Variants in SRSF1 observed in about 807,000 individuals in gnomAD.
SRSF1 encodes serine/arginine-rich splicing factor 1.
Under a neutral mutation model 25.9 loss-of-function variants are expected in SRSF1, and 1 was observed. That is an observed-to-expected ratio of 0.04 (90% CI 0.01 to 0.18). The LOEUF (loss-of-function observed/expected upper bound fraction) is 0.18. SRSF1 is among the 10% of genes least tolerant of loss of function. SRSF1 has a pLI of 1.00. For synonymous variants in SRSF1, 132 were observed against 126.2 expected (o/e 1.05, Z -0.31); for missense variants, 65 against 350.5 (o/e 0.19, Z 6.50).
At position 58,004,436 on chromosome 17, in the gene SRSF1, G is replaced by C. The variant is rs2075413295; in HGVS notation, c.*970C>G. The C allele has an allele frequency of 6.6e-6, 1 of 152,400 alleles. No homozygotes were observed. The highest frequency in any genetic ancestry group is 2.4e-5 in the African/African-American group (1 of 41,364). 9.4% of individuals were successfully genotyped at this position (152,400 alleles called of 1,614,324 possible). On this transcript the variant is annotated 3_prime_UTR_variant, in exon 4 of 4. Transcript: ENST00000258962. ...TTAAAGGGGAAGGTGAGACTTAAAA[G>C]TATTCCCAACTAGATTATCTACACC...
chr17:57,997,180 C>T (rs540851846), downstream of SRSF1, among the ~76,000 whole-genome samples: 129 of 152,320 alleles, frequency 8.5e-4, no homozygotes, highest in African/African-American at 2.9e-3. Context: ...TTACTTTGGT[C>T]TTACAATTGG....
the SRSF1 span, chr17:57,993,162 AG>A: frequency 2.6e-5 from 4 of 152,520 alleles, no homozygotes; most frequent in East Asian, 3.9e-4. Context: ...AGGCCAAGGC[AG>A]GTGGATCACC....
downstream of SRSF1, among the ~76,000 whole-genome samples, chr17:57,996,097 G>A (rs934401526): frequency 6.6e-6 from 1 of 152,208 alleles, no homozygotes; most frequent in Non-Finnish European, 1.5e-5. Flanking sequence ...ACCTGCCTAA[G>A]ATTTCAATAA....
rs190009390 is a variant in SRSF1, at chr17:58,004,640, T to C, written c.*766A>G. 6.1e-5 allele frequency: 14 copies of C among 229,760 alleles called. No homozygotes were observed. Among genetic ancestry groups the C allele is most frequent in the South Asian group, 1.8e-4 (1 of 5,506 alleles). The allele number at this position is 229,760 out of a possible 1,614,324, so 14.2% of individuals were successfully genotyped here. A position where few individuals can be genotyped will look rare whatever the true frequency, so the allele number is the denominator to read the frequency against. Reference sequence around the variant, plus strand: ...CCAACAGCAGGTCACACATTAACAGTTGTAACTAAGCACTGTGACAAATTA... The same window carrying C: ...CCAACAGCAGGTCACACATTAACAGCTGTAACTAAGCACTGTGACAAATTA... On this transcript the variant is annotated 3_prime_UTR_variant, in exon 4 of 4. Transcript: ENST00000258962.
At chr17:57,998,461 T>C (rs556766346), downstream of SRSF1, among the ~76,000 whole-genome samples, 1 of 152,322 alleles carries the variant, frequency 6.6e-6, no homozygotes, top group South Asian at 2.1e-4. Flanking sequence ...AATTCTACCA[T>C]GGTTTTTCTT....
At position 58,005,793 on chromosome 17, in the gene SRSF1, T is replaced by C. The variant is rs2075423070; in HGVS notation, c.552+8A>G. On this transcript the variant is annotated splice_region_variant and intron_variant, in intron 3 of 3. Coordinates refer to ENST00000258962, the MANE Select transcript of SRSF1 (RefSeq NM_006924.5). This position sits in a 1 kb window ranked among gnomAD's most constrained non-coding sequence, Gnocchi z 5.2. ...CTGGTCAAAGAAAAGAATACGTGTA[T>C]AACCTACCTCATGAGATCTAAACTT... The C allele has an allele frequency of 1.2e-6, 2 of 1,614,104 alleles. No individual in the cohort carries two copies. Among genetic ancestry groups the C allele is most frequent in the African/African-American group, 1.3e-5 (1 of 74,930 alleles).
In SRSF1 at chr17:58,006,856, C is replaced by T. The variant is rs2075433285; in HGVS notation, c.194+88G>A. ...GCCCCAACCTCTCTAAGAGCCCCCG[C>T]TTCCCCGTTCTCTATGTTAAGGCCT... On this transcript the variant is annotated intron_variant, in intron 1 of 3. Coordinates refer to ENST00000258962, the MANE Select transcript of SRSF1 (RefSeq NM_006924.5). 3 of 1,482,012 alleles carry T rather than the reference C, an allele frequency of 2.0e-6. No individual in the cohort carries two copies. The East Asian group carries it at 6.8e-5, about 34-fold the overall frequency. 91.8% of individuals were successfully genotyped at this position (1,482,012 alleles called of 1,614,324 possible). A position where few individuals can be genotyped will look rare whatever the true frequency, so the allele number is the denominator to read the frequency against.
At chr17:58,006,621 A>C in intron 1 of SRSF1, 94 bp from the exon 2 acceptor site, 1 of 1,389,058 alleles carries the variant, frequency 7.2e-7, no homozygotes, top group Non-Finnish European at 9.7e-7. Context: ...ATGCGCACCC[A>C]ACGTGGAAGA....
downstream of SRSF1, among the ~76,000 whole-genome samples, chr17:57,999,024 T>C (rs977740212): frequency 6.6e-6 from 1 of 152,202 alleles, no homozygotes; most frequent in Non-Finnish European, 1.5e-5. Flanking sequence ...GAATGACAGA[T>C]ACTAAAAGTG....
downstream of SRSF1, among the ~76,000 whole-genome samples, chr17:57,996,189 A>AT (rs1371674412): frequency 6.6e-6 from 1 of 152,166 alleles, no homozygotes; most frequent in Non-Finnish European, 1.5e-5. Context: ...AGTTTAAAAC[A>AT]TAAGACTTTG....
chr17:58,006,100 G>A (rs1364876095), intron 2 of SRSF1, 127 bp from the exon 3 acceptor site: 6 of 1,009,860 alleles, frequency 5.9e-6, no homozygotes, highest in East Asian at 5.2e-5. Context: ...ACCAGGTAAA[G>A]AGAGCTGGTA....
chr17:58,005,399 A>G lies in SRSF1; in HGVS notation c.*7T>C, dbSNP rs1451557004. ...CATGGGTTCTACAAAAAGTGTCACCAATCATCTTATGTACGAGAGCGAGAT... is the reference window on the plus strand; with the variant it reads ...CATGGGTTCTACAAAAAGTGTCACCGATCATCTTATGTACGAGAGCGAGAT... On this transcript the variant is annotated 3_prime_UTR_variant, in exon 4 of 4. Transcript: ENST00000258962. The surrounding 1 kb of genome is among the most constrained non-coding windows in gnomAD (Gnocchi z 5.2). 6.2e-7 allele frequency: 1 copy of G among 1,612,572 alleles called. No homozygotes were observed. The highest frequency in any genetic ancestry group is 8.5e-7 in the Non-Finnish European group (1 of 1,178,672).
At chr17:57,993,490 C>T in the SRSF1 span, 1 of 152,124 alleles carries the variant, frequency 6.6e-6, no homozygotes, top group Non-Finnish European at 1.5e-5. Flanking sequence ...AAGCTCTACA[C>T]ATGGACAACA....
Position 58,004,049 on chromosome 17 carries a change from TGTAATCAAAAAA to T in SRSF1, c.*1345_*1356del, listed in dbSNP as rs2075410199. 6.6e-6 allele frequency: 1 copy of T among 152,634 alleles called. No individual in the cohort carries two copies. The highest frequency in any genetic ancestry group is 2.4e-5 in the African/African-American group (1 of 41,456). The allele number at this position is 152,634 out of a possible 1,614,324, so 9.5% of individuals were successfully genotyped here. A position where few individuals can be genotyped will look rare whatever the true frequency, so the allele number is the denominator to read the frequency against. On this transcript the variant is annotated 3_prime_UTR_variant, in exon 4 of 4. Coordinates refer to ENST00000258962, the MANE Select transcript of SRSF1 (RefSeq NM_006924.5). ...AAAGAGGAGGCAAAATGTTAGATAC[TGTAATCAAAAAA>T]GGTTTCTGGGGAATGATGAGTTATG...
At chr17:57,989,388 G>GA in the SRSF1 span, 1 of 398,130 alleles carries the variant, frequency 2.5e-6, no homozygotes, top group South Asian at 1.3e-4. Context: ...TCTGGTTTTA[G>GA]AAAAAATTCT....
In SRSF1 at chr17:58,007,132, C is replaced by T; in HGVS notation, c.6G>A (p.Ser2=). The T allele has an allele frequency of 2.5e-6, 4 of 1,614,058 alleles. No homozygotes were observed. The highest frequency in any genetic ancestry group is 1.3e-5 in the African/African-American group (1 of 75,068). The change falls in exon 1 of 4, where the codon TCG becomes TCA. Residue 2 remains serine, a synonymous_variant. Transcript: ENST00000258962. M[S]GGGVIRGPAG... ...CGGGGCCACGAATCACACCACCTCCCGACATGGCGGTGACGAAAAGCGCGG... is the reference window on the plus strand; with the variant it reads ...CGGGGCCACGAATCACACCACCTCCTGACATGGCGGTGACGAAAAGCGCGG...
Position 58,005,663 on chromosome 17 carries a change from G to C in SRSF1, c.553-63C>G. 6.2e-7 allele frequency: 1 copy of C among 1,609,436 alleles called. No individual in the cohort carries two copies. Among genetic ancestry groups the C allele is most frequent in the East Asian group, 2.2e-5 (1 of 44,822 alleles). ...GCTTTCATCTATCTTCAGACATGCT[G>C]AATGAATACAATGTAACTAAAACCA... On this transcript the variant is annotated intron_variant, in intron 3 of 3. Transcript: ENST00000258962. This position sits in a 1 kb window ranked among gnomAD's most constrained non-coding sequence, Gnocchi z 5.2.
At chr17:58,000,052 T>C (rs911265892), downstream of SRSF1, among the ~76,000 whole-genome samples, 1 of 152,222 alleles carries the variant, frequency 6.6e-6, no homozygotes, top group Non-Finnish European at 1.5e-5. Flanking sequence ...ATTAAAATGT[T>C]GTAAATTACA....
At chr17:58,006,154 GTATCT>G (rs2075425574) in intron 2 of SRSF1, 181 bp from the exon 3 acceptor site, 4 of 949,914 alleles carry the variant, frequency 4.2e-6, no homozygotes, top group Non-Finnish European at 6.2e-6. Flanking sequence ...AACGATCTTC[GTATCT>G]AGTACCGCAA....
Sources: gnomAD v4.1 joint callset for allele counts (sites outside exome capture counted in the v4.1 genomes callset) on GRCh38, gnomAD v4.1.1 for gene constraint, Gnocchi (gnomAD v3.1) non-coding constraint, MANE v1.5 for transcripts, NCBI Gene and HGNC (gene_info 2026-07-23, HGNC 2026-07-21) for gene names.